The following IL7R variants were observed in gnomAD, a reference collection of about 807,000 sequenced individuals.
IL7R encodes interleukin 7 receptor, also known as interleukin-7 receptor subunit alpha.
A neutral mutation model predicts 47.0 loss-of-function variants in IL7R; 38 were observed. The observed-to-expected ratio is 0.81, with a 90% CI of 0.62 to 1.06. IL7R has a LOEUF of 1.06. IL7R is among the 50% of genes least tolerant of loss of function. IL7R has a pLI of 0.00. For synonymous variants in IL7R, 221 were observed against 199.8 expected (o/e 1.11, Z -0.89); for missense variants, 633 against 534.8 (o/e 1.18, Z -1.81).
chr5:35,873,719 G>A, intron 5 of IL7R, 71 bp downstream of exon 5: 1 of 1,446,762 alleles, frequency 6.9e-7, no homozygotes, highest in South Asian at 1.1e-5. Context: ...GCAAGTGAGA[G>A]GAAGATTGTT....
rs537228273 is a variant in IL7R, at chr5:35,867,087, C to T, written c.222-219C>T. Among the ~76,000 whole-genome samples, 4 of 152,204 alleles carry T rather than the reference C, an allele frequency of 2.6e-5. No individual in the cohort carries two copies. In the South Asian group the frequency reaches 8.3e-4, roughly 32 times the overall value. ...GTCTTGACTATTTCAGGTTCAATTG[C>T]ATCTAATTCTAAGTAAATCATCACT... On this transcript the variant is annotated intron_variant, in intron 2 of 7. Coordinates refer to ENST00000303115, the MANE Select transcript of IL7R (RefSeq NM_002185.5).
At chr5:35,858,848 T>C (rs1759727604) in intron 1 of IL7R, among the ~76,000 whole-genome samples, 1 of 152,192 alleles carries the variant, frequency 6.6e-6, no homozygotes, top group African/African-American at 2.4e-5. Context: ...AGAACACATG[T>C]CTTAGAGAAG....
intron 4 of IL7R, 126 bp downstream of exon 4, chr5:35,871,339 G>A (rs1182070855): frequency 5.6e-6 from 4 of 720,542 alleles, no homozygotes; most frequent in Non-Finnish European, 9.6e-6. Flanking sequence ...TCTACTGAAA[G>A]AATCTCCCAA....
At position 35,867,428 on chromosome 5, in the gene IL7R, GTC is replaced by G. The variant is rs1561421626; in HGVS notation, c.346_347del (p.Leu116AsnfsTer12). 1 of 1,613,368 alleles carries G rather than the reference GTC, an allele frequency of 6.2e-7. No individual in the cohort carries two copies. Among genetic ancestry groups the G allele is most frequent in the Non-Finnish European group, 8.5e-7 (1 of 1,179,626 alleles). On this transcript the variant is annotated frameshift_variant, in exon 3 of 8. Transcript: ENST00000303115. LOFTEE classifies it high-confidence loss of function. ...ATATGTGTGAAGGTTGGAGAAAAGAGTCTAACCTGCAAAAAAATAGACCTAAC... is the reference window on the plus strand; with the variant it reads ...ATATGTGTGAAGGTTGGAGAAAAGAGTAACCTGCAAAAAAATAGACCTAAC...
chr5:35,870,115 C>T (rs1158683492), intron 3 of IL7R, among the ~76,000 whole-genome samples: 1 of 152,226 alleles, frequency 6.6e-6, no homozygotes, highest in African/African-American at 2.4e-5. Flanking sequence ...GTAGCACCCC[C>T]ACCCCCAGAC....
chr5:35,873,388 G>A, intron 4 of IL7R, 92 bp from the exon 5 acceptor site: 1 of 1,071,664 alleles, frequency 9.3e-7, no homozygotes, highest in Non-Finnish European at 1.4e-6. Flanking sequence ...GAATGCTTAT[G>A]GGACTAAAGG....
rs190744397 is a variant in IL7R, at chr5:35,861,489, A to G, written c.221+499A>G. Among the ~76,000 whole-genome samples the G allele has an allele frequency of 1.3e-3, 194 of 152,320 alleles. 2 individuals are homozygous for G. Among genetic ancestry groups the G allele is most frequent in the African/African-American group, 4.4e-3 (183 of 41,594 alleles). ...GCCTCACAGGAAGGCTGTGATGGTTAAATAATTTCATCATATAAATCATTC... is the reference window on the plus strand; with the variant it reads ...GCCTCACAGGAAGGCTGTGATGGTTGAATAATTTCATCATATAAATCATTC... On this transcript the variant is annotated intron_variant, in intron 2 of 7. Coordinates refer to ENST00000303115, the MANE Select transcript of IL7R (RefSeq NM_002185.5).
At position 35,876,552 on chromosome 5, in the gene IL7R, T is replaced by C; in HGVS notation, c.*66T>C. ...GATGATTTAAAAGGGAAGTCTAGAG[T>C]TCCTAGTCTCCCTCACAGCACAGAG... On this transcript the variant is annotated 3_prime_UTR_variant, in exon 8 of 8. Transcript: ENST00000303115. 1 of 1,550,234 alleles carries C rather than the reference T, an allele frequency of 6.5e-7. No homozygotes were observed. The highest frequency in any genetic ancestry group is 8.8e-7 in the Non-Finnish European group (1 of 1,137,310).
At chr5:35,861,930 T>A (rs1378762386) in intron 2 of IL7R, among the ~76,000 whole-genome samples, 3 of 152,120 alleles carry the variant, frequency 2.0e-5, no homozygotes, top group Non-Finnish European at 4.4e-5. Flanking sequence ...CCACCAGTAG[T>A]AATAGAAGGC....
chr5:35,878,040 T>A lies in IL7R; in HGVS notation c.*1554T>A, dbSNP rs1451352527. The A allele has an allele frequency of 2.6e-5, 6 of 233,216 alleles. No homozygotes were observed. The highest frequency in any genetic ancestry group is 5.1e-5 in the Non-Finnish European group (6 of 118,100). 14.4% of individuals were successfully genotyped at this position (233,216 alleles called of 1,614,324 possible). On this transcript the variant is annotated 3_prime_UTR_variant, in exon 8 of 8. Transcript: ENST00000303115. ...TTTTACTTTATTTAGGGGGACTAGG[T>A]GTTTCTGATATTTTAGTTTTCTTGT...
At chr5:35,870,488 A>G (rs1019473979) in intron 3 of IL7R, among the ~76,000 whole-genome samples, 1 of 152,236 alleles carries the variant, frequency 6.6e-6, no homozygotes, top group Non-Finnish European at 1.5e-5. Context: ...ACAAGAATAA[A>G]GACTCAGAGT....
At chr5:35,862,382 T>C (rs1275872731) in intron 2 of IL7R, among the ~76,000 whole-genome samples, 1 of 152,132 alleles carries the variant, frequency 6.6e-6, no homozygotes, top group African/African-American at 2.4e-5. Flanking sequence ...CTGTTCACTT[T>C]CATTCACACC....
chr5:35,871,138 C>A lies in IL7R; in HGVS notation c.462C>A (p.His154Gln), dbSNP rs749131336. The change falls in exon 4 of 8, where the codon CAC becomes CAA. Residue 154 changes from histidine (H) to glutamine (Q), a missense_variant. By Grantham distance (24) the His-to-Gln change is conservative (BLOSUM62 0). Coordinates refer to ENST00000303115, the MANE Select transcript of IL7R (RefSeq NM_002185.5). Reference protein sequence around the residue: ...NDFVVTFNTSHLQKKYVKVLM... With the variant: ...NDFVVTFNTSQLQKKYVKVLM... ...TTGTGGTGACATTTAATACATCACA[C>A]TTGCAAAAGAAGTATGTAAAAGTTT... 1.2e-6 allele frequency: 2 copies of A among 1,611,870 alleles called. No individual in the cohort carries two copies. Among genetic ancestry groups the A allele is most frequent in the Admixed American group, 3.3e-5 (2 of 60,012 alleles).
chr5:35,868,416 G>T (rs10074127), intron 3 of IL7R, among the ~76,000 whole-genome samples: 108,563 of 152,136 alleles, frequency 0.71, 39,777 homozygotes, highest in African/African-American at 0.87. Context: ...AAATAGAGAG[G>T]TAAAGCAGAA....
chr5:35,866,929 T>C lies in IL7R; in HGVS notation c.222-377T>C, dbSNP rs554900050. Among the ~76,000 whole-genome samples the C allele has an allele frequency of 2.0e-3, 303 of 152,262 alleles. 2 individuals are homozygous for C. Among genetic ancestry groups the C allele is most frequent in the African/African-American group, 7.1e-3 (294 of 41,560 alleles). On this transcript the variant is annotated intron_variant, in intron 2 of 7. Coordinates refer to ENST00000303115, the MANE Select transcript of IL7R (RefSeq NM_002185.5). ...TAACACTTTTTTTAATCAATATTTT[T>C]TACAGCTCTTATTTCTTACATATAT... is the stretch of plus-strand genomic sequence containing the variant.
intron 4 of IL7R, 117 bp from the exon 5 acceptor site, chr5:35,873,363 C>T (rs1018986426): frequency 3.3e-5 from 29 of 875,538 alleles, no homozygotes; most frequent in South Asian, 1.8e-4. Context: ...CTAACAAATA[C>T]GAGACAACTT....
At chr5:35,868,172 G>A (rs1347909737) in intron 3 of IL7R, among the ~76,000 whole-genome samples, 2 of 152,104 alleles carry the variant, frequency 1.3e-5, no homozygotes, top group African/African-American at 2.4e-5. Context: ...TTGCTCTAGA[G>A]GCCTTCTACT....
intron 1 of IL7R, 47 bp downstream of exon 1, chr5:35,857,106 A>G (rs1286042433): frequency 2.5e-6 from 3 of 1,190,534 alleles, no homozygotes; most frequent in Admixed American, 3.4e-5. Context: ...TATCTGTAGC[A>G]TGGTTTCAGG....
At chr5:35,862,392 C>T (rs1759844025) in intron 2 of IL7R, among the ~76,000 whole-genome samples, 4 of 152,194 alleles carry the variant, frequency 2.6e-5, no homozygotes, top group African/African-American at 2.4e-5. Context: ...TCATTCACAC[C>T]ATATTTGACC....
Sources: allele counts gnomAD v4.1 joint callset (sites outside exome capture counted in the v4.1 genomes callset), GRCh38; gene constraint gnomAD v4.1.1; transcripts MANE v1.5; gene names NCBI Gene and HGNC (gene_info 2026-07-23, HGNC 2026-07-21).